The following ZDHHC8 variants were observed in gnomAD, a reference collection of about 807,000 sequenced individuals.
ZDHHC8 encodes the protein palmitoyltransferase ZDHHC8.
Under a neutral mutation model 61.2 loss-of-function variants are expected in ZDHHC8, and 24 were observed. That is an observed-to-expected ratio of 0.39 (90% CI 0.28 to 0.55). The LOEUF is 0.55. Among genes scored for constraint, ZDHHC8 ranks in the 20% least tolerant of loss-of-function variants. ZDHHC8 has a pLI of 0.60. For missense variants in ZDHHC8, 935 were observed against 1,102.1 expected (o/e 0.85, Z 2.15); for synonymous variants, 523 against 492.5 (o/e 1.06, Z -0.82).
intron 1 of ZDHHC8, 67 bp from the exon 2 acceptor site, chr22:20,139,127 A>G (rs2050445141): frequency 2.6e-6 from 4 of 1,564,256 alleles, no homozygotes; most frequent in Non-Finnish European, 3.5e-6. Flanking sequence ...GCCGCACCAC[A>G]TAGCTCTGCG....
chr22:20,140,875 G>A lies in ZDHHC8; in HGVS notation c.757G>A (p.Val253Met), dbSNP rs2050462176. The A allele has an allele frequency of 8.7e-6, 14 of 1,602,018 alleles. No individual in the cohort carries two copies. Among genetic ancestry groups the A allele is most frequent in the South Asian group, 1.1e-5 (1 of 91,080 alleles). ...GACCCCTGTGCCCTGGTGCAGGTAC[G>A]TGGTGGAGCCACCCCGGCTGCCGCT... ...VLCSPLAPRY[V>M]VEPPRLPLAV... Residue 253 changes from valine to methionine, a missense_variant, in exon 7 of 11, where the codon GTG (valine) becomes ATG (methionine). Physicochemically the swap from Val to Met is conservative, Grantham distance 21. Coordinates refer to ENST00000334554, the MANE Select transcript of ZDHHC8 (RefSeq NM_013373.4).
chr22:20,147,390 C>T lies in ZDHHC8; in HGVS notation c.*1990C>T. On this transcript the variant is annotated 3_prime_UTR_variant, in exon 11 of 11. Coordinates refer to ENST00000334554, the MANE Select transcript of ZDHHC8 (RefSeq NM_013373.4). ...TTCCCAGCCTGCCAGGGCCTGAGAC[C>T]CTGTGTCCACATGACCTCAGGGAGT... is the stretch of plus-strand genomic sequence containing the variant. The T allele has an allele frequency of 1.3e-6, 1 of 744,136 alleles. No homozygotes were observed. Among genetic ancestry groups the T allele is most frequent in the South Asian group, 2.4e-5 (1 of 42,368 alleles). The allele number at this position is 744,136 out of a possible 1,614,324, so 46.1% of individuals were successfully genotyped here.
In ZDHHC8 at chr22:20,146,951, T is replaced by C. The variant is rs997756231; in HGVS notation, c.*1551T>C. 13 of 1,362,444 alleles carry C rather than the reference T, an allele frequency of 9.5e-6. No homozygotes were observed. The highest frequency in any genetic ancestry group is 1.2e-5 in the Non-Finnish European group (13 of 1,060,868). 84.4% of individuals were successfully genotyped at this position (1,362,444 alleles called of 1,614,324 possible). A position where few individuals can be genotyped will look rare whatever the true frequency, so the allele number is the denominator to read the frequency against. Reference sequence around the variant, plus strand: ...TGGGGCTGTCCCAGCGTGGGAGGCGTGCGGGCTGTAGGGCCCCGAAGCTGA... The same window carrying C: ...TGGGGCTGTCCCAGCGTGGGAGGCGCGCGGGCTGTAGGGCCCCGAAGCTGA... On this transcript the variant is annotated 3_prime_UTR_variant, in exon 11 of 11. Transcript: ENST00000334554.
intron 10 of ZDHHC8, among the ~76,000 whole-genome samples, chr22:20,144,112 C>T (rs959163522): frequency 1.3e-5 from 2 of 152,158 alleles, no homozygotes; most frequent in African/African-American, 4.8e-5. Flanking sequence ...GTGGCTCTGG[C>T]TTCCTGGGTC....
chr22:20,147,138 CT>C lies in ZDHHC8; in HGVS notation c.*1739del. The C allele has an allele frequency of 6.5e-7, 1 of 1,534,218 alleles. No homozygotes were observed. Among genetic ancestry groups the C allele is most frequent in the Non-Finnish European group, 8.8e-7 (1 of 1,140,628 alleles). On this transcript the variant is annotated 3_prime_UTR_variant, in exon 11 of 11. Transcript: ENST00000334554. ...AGGACCGCCCACCACTGCGGGCCCC[CT>C]GGAGCCAGGCCGCCGGGGCACCCCC...
chr22:20,141,481 C>T lies in ZDHHC8; in HGVS notation c.1076C>T (p.Pro359Leu), dbSNP rs144289165. Residue 359 changes from proline (P) to leucine (L), a missense_variant, in exon 9 of 11, where the codon CCG becomes CTG. Transcript: ENST00000334554. ...PPTPAMYKFR[P>L]AFPTGPKVPF... is the part of the protein sequence containing the mutation. ...ACACCTGCCATGTACAAGTTTAGGCCGGCTTTCCCCACGGGTCCCAAGGTG... is the reference window on the plus strand; with the variant it reads ...ACACCTGCCATGTACAAGTTTAGGCTGGCTTTCCCCACGGGTCCCAAGGTG... 12 of 1,613,162 alleles carry T rather than the reference C, an allele frequency of 7.4e-6. No homozygotes were observed. The highest frequency in any genetic ancestry group is 6.7e-5 in the African/African-American group (5 of 74,904).
In ZDHHC8 at chr22:20,146,915, A is replaced by C; in HGVS notation, c.*1515A>C. On this transcript the variant is annotated 3_prime_UTR_variant, in exon 11 of 11. Transcript: ENST00000334554. ...GGATGCACAGCTGTTCAGGGCTGAG[A>C]CATTCTGGGCTGGGGCTGTCCCAGC... is the stretch of plus-strand genomic sequence containing the variant. 3 of 1,337,804 alleles carry C rather than the reference A, an allele frequency of 2.2e-6. No individual in the cohort carries two copies. Among genetic ancestry groups the C allele is most frequent in the Non-Finnish European group, 1.9e-6 (2 of 1,048,456 alleles). 82.9% of individuals were successfully genotyped at this position (1,337,804 alleles called of 1,614,324 possible). A position where few individuals can be genotyped will look rare whatever the true frequency, so the allele number is the denominator to read the frequency against.
intron 1 of ZDHHC8, among the ~76,000 whole-genome samples, chr22:20,138,354 C>T (rs963672031): frequency 6.6e-6 from 1 of 152,238 alleles, no homozygotes; most frequent in Non-Finnish European, 1.5e-5. Flanking sequence ...TTCTTGGAAG[C>T]TGAGTGGGTG....
At chr22:20,140,346 C>T (rs1472272388) in intron 5 of ZDHHC8, 129 bp downstream of exon 5, 2 of 992,194 alleles carry the variant, frequency 2.0e-6, no homozygotes, top group East Asian at 2.6e-5. Context: ...GAGGCTCCAA[C>T]TCTGAGACCC....
chr22:20,136,148 C>T (rs1405998755), intron 1 of ZDHHC8, among the ~76,000 whole-genome samples: 1 of 152,184 alleles, frequency 6.6e-6, no homozygotes, highest in Non-Finnish European at 1.5e-5. Flanking sequence ...TGGCTGGAGC[C>T]AGCCAGGAGG....
intron 10 of ZDHHC8, 36 bp downstream of exon 10, chr22:20,143,792 C>G (rs2050498142): frequency 6.3e-7 from 1 of 1,579,750 alleles, no homozygotes; most frequent in South Asian, 1.1e-5. Flanking sequence ...CTTCCTGGCA[C>G]AGGGCAGCTG....
chr22:20,140,850 G>C lies in ZDHHC8; in HGVS notation c.753-21G>C, dbSNP rs563065850. The C allele has an allele frequency of 2.5e-6, 4 of 1,599,218 alleles. No homozygotes were observed. In the South Asian group the frequency reaches 4.4e-5, roughly 18 times the overall value. ...GTTTGTGGCAGGTGGGCTGGCTACT[G>C]ACCCCTGTGCCCTGGTGCAGGTACG... On this transcript the variant is annotated intron_variant, in intron 6 of 10. Transcript: ENST00000334554.
rs763084533 is a variant in ZDHHC8, at chr22:20,143,520, G to C, written c.1890G>C (p.Ser630=). 3 of 1,599,986 alleles carry C rather than the reference G, an allele frequency of 1.9e-6. No individual in the cohort carries two copies. In the South Asian group the frequency reaches 3.3e-5, roughly 18 times the overall value. The change falls in exon 10 of 11, where the codon TCG becomes TCC. Residue 630 remains serine, a synonymous_variant. Coordinates refer to ENST00000334554, the MANE Select transcript of ZDHHC8 (RefSeq NM_013373.4). ...CTGCCCTGCAGACGTCACTGTCCTC[G>C]CTGTCCAGCTCCGTGAGCCGTGCAC... ...RNPALQTSLS[S]LSSSVSRAPR...
chr22:20,140,336 G>A (rs566417403), intron 5 of ZDHHC8, 119 bp downstream of exon 5: 18 of 1,090,366 alleles, frequency 1.7e-5, no homozygotes, highest in African/African-American at 1.6e-4. Flanking sequence ...GTGTTGAGAC[G>A]AGGCTCCAAC....
At position 20,146,168 on chromosome 22, in the gene ZDHHC8, G is replaced by A. The variant is rs533248983; in HGVS notation, c.*768G>A. 3 of 985,670 alleles carry A rather than the reference G, an allele frequency of 3.0e-6. No individual in the cohort carries two copies. Among genetic ancestry groups the A allele is most frequent in the Admixed American group, 1.2e-4 (2 of 16,292 alleles). The allele number at this position is 985,670 out of a possible 1,614,324, so 61.1% of individuals were successfully genotyped here. ...GGGGCAGGCGGGAGCAGGCACGGGG[G>A]TGATGCTGCCACAGGGGGCTGGTGA... On this transcript the variant is annotated 3_prime_UTR_variant, in exon 11 of 11. Transcript: ENST00000334554.
chr22:20,143,247 G>C lies in ZDHHC8; in HGVS notation c.1617G>C (p.Val539=), dbSNP rs777733787. The part of the protein sequence containing the change: ...LGPRPREPSP[V]RYDNLSRTIM... Reference sequence around the variant, plus strand: ...CCCGCCCCCGGGAGCCCTCGCCTGTGCGCTACGACAACCTGTCCAGGACCA... The same window carrying C: ...CCCGCCCCCGGGAGCCCTCGCCTGTCCGCTACGACAACCTGTCCAGGACCA... The change falls in exon 10 of 11, where the codon GTG becomes GTC. Residue 539 remains valine, a synonymous_variant. Transcript: ENST00000334554. The C allele has an allele frequency of 7.7e-5, 124 of 1,606,496 alleles. 3 individuals carry two copies. The highest frequency in any genetic ancestry group is 3.3e-4 in the Middle Eastern group (2 of 6,058).
rs1192833405 is a variant in ZDHHC8, at chr22:20,146,163, CG to C, written c.*768del. 8 of 985,510 alleles carry C rather than the reference CG, an allele frequency of 8.1e-6. 1 individual carries two copies. The highest frequency in any genetic ancestry group is 1.1e-4 in the East Asian group (1 of 8,814). 61.0% of individuals were successfully genotyped at this position (985,510 alleles called of 1,614,324 possible). A position where few individuals can be genotyped will look rare whatever the true frequency, so the allele number is the denominator to read the frequency against. On this transcript the variant is annotated 3_prime_UTR_variant, in exon 11 of 11. Transcript: ENST00000334554. ...ACGGGGGGGCAGGCGGGAGCAGGCA[CG>C]GGGGTGATGCTGCCACAGGGGGCTG...
chr22:20,136,419 C>T (rs959227072), intron 1 of ZDHHC8, among the ~76,000 whole-genome samples: 3 of 152,244 alleles, frequency 2.0e-5, no homozygotes, highest in Non-Finnish European at 4.4e-5. Context: ...CTTGTGTGTC[C>T]TCCCGTGTTC....
In ZDHHC8 at chr22:20,143,533, G is replaced by T; in HGVS notation, c.1903G>T (p.Val635Leu). Reference protein sequence around the residue: ...QTSLSSLSSSVSRAPRTSSSS... With the variant: ...QTSLSSLSSSLSRAPRTSSSS... The stretch of plus-strand genomic sequence containing the variant: ...GTCACTGTCCTCGCTGTCCAGCTCC[G>T]TGAGCCGTGCACCGCGGACGTCGTC... The change falls in exon 10 of 11, where the codon GTG becomes TTG. Residue 635 changes from valine (V) to leucine (L), a missense_variant. By Grantham distance (32) the Val-to-Leu change is conservative. This residue lies in a region of ZDHHC8 where 692 missense variants were observed against 731.4 expected (regional missense o/e 0.95). Transcript: ENST00000334554. The T allele has an allele frequency of 6.3e-7, 1 of 1,598,872 alleles. No individual in the cohort carries two copies. The highest frequency in any genetic ancestry group is 8.5e-7 in the Non-Finnish European group (1 of 1,177,196).
Sources: allele counts gnomAD v4.1 joint callset (sites outside exome capture counted in the v4.1 genomes callset), GRCh38; gene constraint gnomAD v4.1.1; regional missense constraint gnomAD v4.1.1; transcripts MANE v1.5; gene names NCBI Gene and HGNC (gene_info 2026-07-23, HGNC 2026-07-21).